Variants in DAB1 observed in about 807,000 individuals in gnomAD.
The protein encoded by DAB1 is DAB adaptor protein 1, also known as disabled homolog 1.
DAB1 carries 15 observed loss-of-function variants against 64.6 expected under a neutral mutation model. The observed-to-expected ratio is 0.23, with a 90% confidence interval of 0.16 to 0.36. The LOEUF is 0.36. Among genes scored for constraint, DAB1 ranks in the 10% least tolerant of loss-of-function variants. DAB1 has a pLI of 1.00. For synonymous variants in DAB1, 235 were observed against 251.9 expected, an observed-to-expected ratio of 0.93 and a Z score of 0.64; for missense variants, 596 against 706.7, an observed-to-expected ratio of 0.84 and a Z score of 1.78.
intron 5 of DAB1, among the ~76,000 whole-genome samples, chr1:58,053,255 G>C (rs1377770384): frequency 6.6e-6 from 1 of 152,124 alleles, no homozygotes; most frequent in Non-Finnish European, 1.5e-5. Flanking sequence ...AATACCTGAG[G>C]CTGGATAATT....
chr1:57,119,388 C>T (rs1656434594), intron 4 of DAB1, among the ~76,000 whole-genome samples: 1 of 152,140 alleles, frequency 6.6e-6, no homozygotes, highest in Admixed American at 6.6e-5. Flanking sequence ...TCTTTCCCCC[C>T]TCCTCTTGAG....
intron 1 of DAB1, among the ~76,000 whole-genome samples, chr1:57,392,760 C>T (rs1314018369): frequency 6.6e-6 from 1 of 152,090 alleles, no homozygotes; most frequent in East Asian, 1.9e-4. Flanking sequence ...CTGGCATGTT[C>T]GGGAAATAGC....
intron 14 of DAB1, among the ~76,000 whole-genome samples, chr1:57,008,434 ATGATGATGG>A: frequency 6.6e-6 from 1 of 152,152 alleles, no homozygotes; most frequent in East Asian, 1.9e-4. Flanking sequence ...GATGATGATA[ATGATGATGG>A]TGATGGTGAT....
At chr1:58,328,436 T>A (rs1662890522) in intron 4 of DAB1, among the ~76,000 whole-genome samples, 1 of 152,204 alleles carries the variant, frequency 6.6e-6, no homozygotes, top group African/African-American at 2.4e-5. Context: ...AGCATCGGCT[T>A]GACTCTGCTT....
intron 4 of DAB1, among the ~76,000 whole-genome samples, chr1:58,299,498 C>T (rs1443754061): frequency 6.6e-6 from 1 of 152,108 alleles, no homozygotes; most frequent in Non-Finnish European, 1.5e-5. Context: ...AGCATAGGTG[C>T]AGAGGTGCAT....
intron 5 of DAB1, among the ~76,000 whole-genome samples, chr1:58,096,331 A>G (rs1274118875): frequency 1.3e-5 from 2 of 152,232 alleles, no homozygotes; most frequent in African/African-American, 4.8e-5. Context: ...AAGAAACCAG[A>G]CAATCAGGAT....
chr1:57,379,903 T>A (rs1424008810), intron 1 of DAB1, among the ~76,000 whole-genome samples: 1 of 152,222 alleles, frequency 6.6e-6, no homozygotes, highest in African/African-American at 2.4e-5. Context: ...TATTTCACCA[T>A]TCTGATGCCA....
intron 2 of DAB1, among the ~76,000 whole-genome samples, chr1:57,160,116 T>A (rs1025983521): frequency 6.6e-6 from 1 of 152,222 alleles, no homozygotes; most frequent in Non-Finnish European, 1.5e-5. Context: ...TGGGCTTGTG[T>A]CTTTTTCCTG....
intron 4 of DAB1, among the ~76,000 whole-genome samples, chr1:58,165,671 G>C (rs1655793623): frequency 6.6e-6 from 1 of 152,224 alleles, no homozygotes; most frequent in African/African-American, 2.4e-5. Flanking sequence ...TCCAAGCCTA[G>C]ACCACAGGAT....
At chr1:57,727,281 T>G (rs1647228019) in intron 6 of DAB1, among the ~76,000 whole-genome samples, 1 of 152,232 alleles carries the variant, frequency 6.6e-6, no homozygotes, top group Non-Finnish European at 1.5e-5. Flanking sequence ...CAGGCAGGCC[T>G]AACTGCTCCA....
Position 57,832,344 on chromosome 1 carries a change from A to G in DAB1, n.88-5889T>C, listed in dbSNP as rs149131057. Among the ~76,000 whole-genome samples, 92 of 152,320 alleles carry G rather than the reference A, an allele frequency of 6.0e-4. 1 individual carries two copies. Among genetic ancestry groups the G allele is most frequent in the Non-Finnish European group, 9.8e-4 (67 of 68,030 alleles). On this transcript the variant is annotated intron_variant and non_coding_transcript_variant, in intron 1 of 1. Coordinates refer to the DAB1 transcript ENST00000477280. Reference sequence around the variant, plus strand: ...ATAAATGAAAAGAAAAAAAGTGACAATCATACCACTGGATAGCCACTCTTG... The same window carrying G: ...ATAAATGAAAAGAAAAAAAGTGACAGTCATACCACTGGATAGCCACTCTTG...
chr1:58,260,251 C>T (rs532746807), intron 4 of DAB1, among the ~76,000 whole-genome samples: 1 of 152,254 alleles, frequency 6.6e-6, no homozygotes, highest in African/African-American at 2.4e-5. Context: ...TTCTCACCTT[C>T]GCAAAGCCCT....
chr1:58,425,923 A>G (rs1211555699), intron 3 of DAB1, among the ~76,000 whole-genome samples: 1 of 152,022 alleles, frequency 6.6e-6, no homozygotes, highest in Non-Finnish European at 1.5e-5. Context: ...GGTACAGAAG[A>G]ATAGTCTGGG....
chr1:57,363,377 G>A (rs528716039), intron 1 of DAB1, among the ~76,000 whole-genome samples: 7 of 152,228 alleles, frequency 4.6e-5, no homozygotes, highest in Admixed American at 2.6e-4. Context: ...AGGGACACCC[G>A]TGACATAGAA....
At chr1:57,151,807 A>ATTTTTT (rs34012935) in intron 2 of DAB1, among the ~76,000 whole-genome samples, 26 of 106,228 alleles carry the variant, frequency 2.4e-4, no homozygotes, top group Middle Eastern at 7.2e-3. Context: ...CTAATGTTTA[A>ATTTTTT]TTTTTTTTTT....
chr1:57,421,812 T>C (rs1684909079), intron 1 of DAB1, among the ~76,000 whole-genome samples: 1 of 149,734 alleles, frequency 6.7e-6, no homozygotes, highest in Admixed American at 6.7e-5. Context: ...CCCTTCTCAA[T>C]AGGAAATCAA....
At chr1:57,978,196 T>C (rs1645969717) in intron 5 of DAB1, among the ~76,000 whole-genome samples, 1 of 152,172 alleles carries the variant, frequency 6.6e-6, no homozygotes, top group Non-Finnish European at 1.5e-5. Context: ...CAAAACAGCA[T>C]GGTACTGGTA....
chr1:57,282,856 A>C (rs538424823), intron 2 of DAB1, among the ~76,000 whole-genome samples: 80 of 152,340 alleles, frequency 5.3e-4, no homozygotes, highest in African/African-American at 1.8e-3. Flanking sequence ...TAGCTCACCA[A>C]AACCCTGCCA....
intron 1 of DAB1, among the ~76,000 whole-genome samples, chr1:57,300,074 G>A (rs1273431584): frequency 6.6e-6 from 1 of 152,044 alleles, no homozygotes; most frequent in Non-Finnish European, 1.5e-5. Context: ...GTGGGAATGT[G>A]CCCTATACAC....
Sources: allele counts gnomAD v4.1 joint callset (sites outside exome capture counted in the v4.1 genomes callset), GRCh38; gene constraint gnomAD v4.1.1; transcripts MANE v1.5; gene names NCBI Gene and HGNC (gene_info 2026-07-23, HGNC 2026-07-21).